LLGL1: variants seen among roughly 807,000 people sequenced by gnomAD.
The protein encoded by LLGL1 is LLGL scribble cell polarity complex component 1, also known as lethal(2) giant larvae protein homolog 1.
A neutral mutation model predicts 110.6 loss-of-function variants in LLGL1; 58 were observed. The observed-to-expected ratio is 0.52, with a 90% CI of 0.42 to 0.65. The LOEUF is 0.65. Among genes scored for constraint, LLGL1 ranks in the 30% least tolerant of loss-of-function variants. LLGL1 has a pLI of 0.00. For missense variants in LLGL1, 1,229 were observed against 1,462.1 expected, an observed-to-expected ratio of 0.84 and a Z score of 2.60; for synonymous variants, 674 against 607.2, an observed-to-expected ratio of 1.11 and a Z score of -1.62.
chr17:18,232,540 A>T lies in LLGL1; in HGVS notation c.225A>T (p.Ala75=), dbSNP rs1055890472. 3.7e-6 allele frequency: 6 copies of T among 1,614,128 alleles called. No homozygotes were observed. Among genetic ancestry groups the T allele is most frequent in the Admixed American group, 3.3e-5 (2 of 60,026 alleles). The part of the protein sequence containing the change: ...GVEFTGLHRD[A]ATVTQMHFLT... The stretch of plus-strand genomic sequence containing the variant: ...AGTTCACAGGCCTGCACCGGGATGC[A>T]GCCACTGTCACACAGATGCACTTCT... Residue 75 remains alanine, a synonymous_variant, in exon 3 of 23, where the codon GCA becomes GCT. Coordinates refer to ENST00000316843, the MANE Select transcript of LLGL1 (RefSeq NM_004140.4).
At chr17:18,229,543 G>A (rs1267554492) in intron 1 of LLGL1, among the ~76,000 whole-genome samples, 1 of 152,106 alleles carries the variant, frequency 6.6e-6, no homozygotes, top group African/African-American at 2.4e-5. Flanking sequence ...TAAAAATGGG[G>A]TGCAGAGCCC....
intron 7 of LLGL1, 45 bp downstream of exon 7, chr17:18,234,453 G>T: frequency 6.2e-7 from 1 of 1,601,668 alleles, no homozygotes; most frequent in Non-Finnish European, 8.5e-7. Context: ...GATGGGAGGG[G>T]GCACCACTGA....
chr17:18,235,851 C>A, intron 11 of LLGL1: 1 of 366,422 alleles, frequency 2.7e-6, no homozygotes, highest in South Asian at 3.9e-5. Context: ...GCCAGAGAGC[C>A]CAGCGTGGGC....
chr17:18,239,418 G>C (rs2047772146), intron 16 of LLGL1, among the ~76,000 whole-genome samples: 1 of 152,166 alleles, frequency 6.6e-6, no homozygotes, highest in Admixed American at 6.5e-5. Flanking sequence ...CACAAAAATA[G>C]AGAGGTGCAA....
chr17:18,226,542 G>A (rs1464817589), intron 1 of LLGL1, among the ~76,000 whole-genome samples: 2 of 152,242 alleles, frequency 1.3e-5, no homozygotes, highest in Non-Finnish European at 2.9e-5. Flanking sequence ...GAGTCCAGGG[G>A]ACATGCCTGG....
chr17:18,244,744 G>GGGGGGGGGGGT lies in LLGL1; in HGVS notation c.*840_*841insGGGGGGGGTGG, dbSNP rs2047961243. The GGGGGGGGGGGT allele has an allele frequency of 7.0e-6, 1 of 143,296 alleles. No homozygotes were observed. The highest frequency in any genetic ancestry group is 7.5e-5 in the Admixed American group (1 of 13,254). 8.9% of individuals were successfully genotyped at this position (143,296 alleles called of 1,614,324 possible). ...CGGCGGGGGGGGGGGGCAGGGGGGG[G>GGGGGGGGGGGT]GGTCAAGATGAGTTTCCCTGTAGAT... On this transcript the variant is annotated 3_prime_UTR_variant, in exon 23 of 23. Coordinates refer to ENST00000316843, the MANE Select transcript of LLGL1 (RefSeq NM_004140.4).
At chr17:18,234,804 T>C (rs2047653875) in intron 8 of LLGL1, 35 bp from the exon 9 acceptor site, 2 of 1,613,792 alleles carry the variant, frequency 1.2e-6, no homozygotes, top group Non-Finnish European at 1.7e-6. Flanking sequence ...TGGACCCAAG[T>C]GGTTCATGGC....
chr17:18,238,135 A>G lies in LLGL1; in HGVS notation c.1973A>G (p.Lys658Arg). The G allele has an allele frequency of 6.2e-7, 1 of 1,613,848 alleles. No homozygotes were observed. The highest frequency in any genetic ancestry group is 8.5e-7 in the Non-Finnish European group (1 of 1,180,018). Residue 658 changes from lysine (K) to arginine (R), a missense_variant, in exon 15 of 23, where the codon AAG (lysine) becomes AGG (arginine). By Grantham distance (26) the Lys-to-Arg change is conservative. Coordinates refer to ENST00000316843, the MANE Select transcript of LLGL1 (RefSeq NM_004140.4). ...CTCTCCCGGGTGAAGTCTCTCAAGA[A>G]GTCACTGCGCCAGTCTTTCCGGCGC... ...GPLSRVKSLKKSLRQSFRRIR... is the reference protein window; with the variant it reads ...GPLSRVKSLKRSLRQSFRRIR...
chr17:18,244,546 CAA>C lies in LLGL1; in HGVS notation c.*642_*643del, dbSNP rs916179059. 1.9e-4 allele frequency: 29 copies of C among 152,086 alleles called. No homozygotes were observed. The highest frequency in any genetic ancestry group is 5.9e-5 in the Non-Finnish European group (4 of 68,082). 9.4% of individuals were successfully genotyped at this position (152,086 alleles called of 1,614,324 possible). A position where few individuals can be genotyped will look rare whatever the true frequency, so the allele number is the denominator to read the frequency against. Reference sequence around the variant, plus strand: ...GCGTGAGCCACCATGCCCAGCCCTGCAAAGAGTATTTTTCTAGCGCCTGGGCT... The same window carrying C: ...GCGTGAGCCACCATGCCCAGCCCTGCAGAGTATTTTTCTAGCGCCTGGGCT... On this transcript the variant is annotated 3_prime_UTR_variant, in exon 23 of 23. Transcript: ENST00000316843.
intron 2 of LLGL1, 43 bp downstream of exon 2, chr17:18,230,081 C>T (rs773139416): frequency 1.4e-6 from 2 of 1,463,066 alleles, no homozygotes; most frequent in African/African-American, 2.8e-5. Context: ...TTCAGGACCA[C>T]CTGCCTGTAG....
At chr17:18,239,254 C>T (rs972513706) in intron 16 of LLGL1, among the ~76,000 whole-genome samples, 5 of 152,052 alleles carry the variant, frequency 3.3e-5, no homozygotes, top group Admixed American at 6.5e-5. Context: ...AGGTGAGGGT[C>T]GAGGTGTGTG....
chr17:18,227,395 C>CTT (rs34800060), intron 1 of LLGL1, among the ~76,000 whole-genome samples: 143 of 147,372 alleles, frequency 9.7e-4, no homozygotes, highest in African/African-American at 1.8e-3. Context: ...CTAAATGTCA[C>CTT]TTTTTTTTTT....
chr17:18,237,835 G>A (rs892245963), intron 14 of LLGL1, 62 bp downstream of exon 14: 93 of 1,524,628 alleles, frequency 6.1e-5, no homozygotes, highest in Middle Eastern at 2.2e-4. Flanking sequence ...CTGGGCTTCC[G>A]TTTCCACCTC....
At chr17:18,237,110 G>A (rs896610723) in intron 13 of LLGL1, 171 bp downstream of exon 13, 15 of 624,074 alleles carry the variant, frequency 2.4e-5, no homozygotes, top group African/African-American at 1.1e-4. Context: ...TGGGCCTGTC[G>A]CTGGGGGAAC....
At chr17:18,230,934 C>A (rs1367345887) in intron 2 of LLGL1, among the ~76,000 whole-genome samples, 1 of 152,288 alleles carries the variant, frequency 6.6e-6, no homozygotes, top group Non-Finnish European at 1.5e-5. Flanking sequence ...CCCCTTCTCT[C>A]CCATGGCCCC....
chr17:18,237,815 G>A (rs762260075), intron 14 of LLGL1, 42 bp downstream of exon 14: 21 of 1,565,818 alleles, frequency 1.3e-5, no homozygotes, highest in Middle Eastern at 2.0e-4. Flanking sequence ...AGCCCCCAGC[G>A]AGATGGGGTC....
chr17:18,234,223 G>T, intron 6 of LLGL1, 48 bp downstream of exon 6: 1 of 1,596,598 alleles, frequency 6.3e-7, no homozygotes, highest in Non-Finnish European at 8.5e-7. Flanking sequence ...CCTTGTGCAT[G>T]CCCACCATGG....
chr17:18,234,582 A>G, intron 7 of LLGL1, 67 bp from the exon 8 acceptor site: 1 of 1,602,330 alleles, frequency 6.2e-7, no homozygotes, highest in South Asian at 1.1e-5. Context: ...AGTGGAGGGC[A>G]GAGCAGGAAT....
Position 18,233,853 on chromosome 17 carries a change from G to A in LLGL1, c.468G>A (p.Glu156=). The A allele has an allele frequency of 6.2e-7, 1 of 1,613,840 alleles. No individual in the cohort carries two copies. The highest frequency in any genetic ancestry group is 2.2e-5 in the East Asian group (1 of 44,872). ...GCGACATAGCAGCCCTGGGCACTGA[G>A]GGCAGCAGTGTCTTCTTCCTGGATG... is the stretch of plus-strand genomic sequence containing the variant. ...AASDIAALGT[E]GSSVFFLDVT... Residue 156 remains glutamate (E), a synonymous_variant, in exon 5 of 23, where the codon GAG becomes GAA. Coordinates refer to ENST00000316843, the MANE Select transcript of LLGL1 (RefSeq NM_004140.4).
Sources: gnomAD v4.1 joint callset for allele counts (sites outside exome capture counted in the v4.1 genomes callset) on GRCh38, gnomAD v4.1.1 for gene constraint, MANE v1.5 for transcripts, NCBI Gene and HGNC (gene_info 2026-07-23, HGNC 2026-07-21) for gene names.